SAMD5: variants seen among roughly 807,000 people sequenced by gnomAD.
The protein encoded by SAMD5 is sterile alpha motif domain containing 5, also known as sterile alpha motif domain-containing protein 5.
Under a neutral mutation model 11.3 loss-of-function variants are expected in SAMD5, and 13 were observed. That is an observed-to-expected ratio of 1.15 (90% confidence interval 0.75 to 1.83). The LOEUF (loss-of-function observed/expected upper bound fraction) is 1.83, where lower values mean the gene tolerates loss of function less well. SAMD5 is among the 40% of genes most tolerant of loss of function. The pLI, the probability that SAMD5 is intolerant of heterozygous loss-of-function variation, is 0.00. For missense variants in SAMD5, 255 were observed against 239.1 expected, an observed-to-expected ratio of 1.07 and a Z score of -0.44; for synonymous variants, 129 against 111.3, an observed-to-expected ratio of 1.16 and a Z score of -1.00.
the SAMD5 span, among the ~76,000 whole-genome samples, chr6:147,869,427 G>A: frequency 7.9e-5 from 12 of 152,316 alleles, 1 homozygote; most frequent in South Asian, 2.1e-3. Context: ...GTGGGCTCAC[G>A]TGGAGGCAGA....
At chr6:147,615,590 A>G (rs983829364) in intron 1 of SAMD5, among the ~76,000 whole-genome samples, 2 of 152,350 alleles carry the variant, frequency 1.3e-5, no homozygotes, top group Admixed American at 1.3e-4. Flanking sequence ...AAATGAATGA[A>G]TGAAAATTAT....
chr6:147,815,197 C>G, the SAMD5 span, among the ~76,000 whole-genome samples: 3 of 152,218 alleles, frequency 2.0e-5, no homozygotes, highest in Non-Finnish European at 4.4e-5. Flanking sequence ...TCTGATCACA[C>G]AGAGGGTCTC....
chr6:147,541,577 G>C (rs141024837), intron 1 of SAMD5, among the ~76,000 whole-genome samples: 1 of 152,076 alleles, frequency 6.6e-6, no homozygotes, highest in Admixed American at 6.5e-5. Context: ...CAGGCCTGTT[G>C]AGCCTTCTTT....
At chr6:147,747,479 C>A in the SAMD5 span, among the ~76,000 whole-genome samples, 6 of 152,156 alleles carry the variant, frequency 3.9e-5, no homozygotes, top group Non-Finnish European at 8.8e-5. Context: ...TTATACCATT[C>A]TTGTAGTAAT....
the SAMD5 span, among the ~76,000 whole-genome samples, chr6:147,767,635 C>T: frequency 4.6e-5 from 7 of 152,154 alleles, no homozygotes; most frequent in Non-Finnish European, 7.3e-5. Flanking sequence ...CATGTGAGGA[C>T]ACAGCAAGAA....
chr6:147,778,781 C>T, the SAMD5 span, among the ~76,000 whole-genome samples: 1 of 152,046 alleles, frequency 6.6e-6, no homozygotes, highest in Non-Finnish European at 1.5e-5. Context: ...ATATCCTGCA[C>T]CATCATGTGA....
intron 1 of SAMD5, among the ~76,000 whole-genome samples, chr6:147,684,558 A>G (rs1447437720): frequency 1.3e-5 from 2 of 152,256 alleles, no homozygotes; most frequent in African/African-American, 2.4e-5. Flanking sequence ...TTTTAACTCA[A>G]TTTACACTCC....
chr6:147,848,389 G>C, the SAMD5 span, among the ~76,000 whole-genome samples: 1 of 152,150 alleles, frequency 6.6e-6, no homozygotes, highest in East Asian at 1.9e-4. Flanking sequence ...GAGTAAAGAA[G>C]ACAGTGATAG....
At chr6:147,589,930 C>T (rs1222774507) in intron 1 of SAMD5, among the ~76,000 whole-genome samples, 1 of 152,130 alleles carries the variant, frequency 6.6e-6, no homozygotes, top group Non-Finnish European at 1.5e-5. Context: ...CACAGATATT[C>T]TAAATATGTG....
intron 1 of SAMD5, among the ~76,000 whole-genome samples, chr6:147,634,981 A>G (rs1790206130): frequency 6.6e-6 from 1 of 152,210 alleles, no homozygotes; most frequent in African/African-American, 2.4e-5. Flanking sequence ...TCATAGATAG[A>G]GTGGTAACAG....
At chr6:147,926,629 G>A in the SAMD5 span, among the ~76,000 whole-genome samples, 56,224 of 151,800 alleles carry the variant, frequency 0.37, 11,887 homozygotes, top group African/African-American at 0.59. Context: ...TGGATTGTCT[G>A]TTTATTCTGT....
intron 1 of SAMD5, among the ~76,000 whole-genome samples, chr6:147,737,091 A>G (rs1291445552): frequency 6.6e-6 from 1 of 152,160 alleles, no homozygotes; most frequent in African/African-American, 2.4e-5. Flanking sequence ...GTACATGCAT[A>G]TTATGTATAT....
At chr6:147,898,832 A>C in the SAMD5 span, among the ~76,000 whole-genome samples, 1 of 152,100 alleles carries the variant, frequency 6.6e-6, no homozygotes, top group African/African-American at 2.4e-5. Context: ...ATAATATTTC[A>C]CCCTACAGCC....
the SAMD5 span, among the ~76,000 whole-genome samples, chr6:147,859,133 C>A: frequency 6.6e-6 from 1 of 152,122 alleles, no homozygotes; most frequent in Non-Finnish European, 1.5e-5. Flanking sequence ...ATGTTTACTA[C>A]CCTCGGAGAT....
chr6:147,730,572 G>T (rs1422865850), intron 1 of SAMD5, among the ~76,000 whole-genome samples: 1 of 152,170 alleles, frequency 6.6e-6, no homozygotes, highest in African/African-American at 2.4e-5. Context: ...GCTTGCATTT[G>T]GGATGTCTAA....
chr6:147,907,224 T>G, the SAMD5 span, among the ~76,000 whole-genome samples: 1 of 152,192 alleles, frequency 6.6e-6, no homozygotes, highest in Non-Finnish European at 1.5e-5. Flanking sequence ...GCAGGGTACA[T>G]TGGCTCATGC....
chr6:147,640,099 G>A (rs543663641), intron 1 of SAMD5, among the ~76,000 whole-genome samples: 58 of 152,030 alleles, frequency 3.8e-4, no homozygotes, highest in Admixed American at 3.5e-3. Context: ...AGGCTGAGGC[G>A]GGCAGATCAC....
the SAMD5 span, among the ~76,000 whole-genome samples, chr6:147,841,596 G>T: frequency 6.6e-6 from 1 of 152,184 alleles, no homozygotes; most frequent in Non-Finnish European, 1.5e-5. Flanking sequence ...TGGTTTTCCT[G>T]CCGTCTAACC....
chr6:147,952,577 C>G, the SAMD5 span, among the ~76,000 whole-genome samples: 1 of 152,168 alleles, frequency 6.6e-6, no homozygotes, highest in Admixed American at 6.5e-5. Context: ...GAGACGTGAC[C>G]TCAGCTCACT....
Sources: gnomAD v4.1 joint callset for allele counts (sites outside exome capture counted in the v4.1 genomes callset) on GRCh38, gnomAD v4.1.1 for gene constraint, MANE v1.5 for transcripts, NCBI Gene and HGNC (gene_info 2026-07-23, HGNC 2026-07-21) for gene names.